GPM6A: variants seen among roughly 807,000 people sequenced by gnomAD.
The protein encoded by GPM6A is neuronal membrane glycoprotein M6-a.
In GPM6A, 7 loss-of-function variants were observed where a neutral mutation model predicts 32.1. That is an observed-to-expected ratio of 0.22 (90% CI 0.12 to 0.41). GPM6A has a LOEUF of 0.41. Ranked by LOEUF, GPM6A falls within the 10% of genes least tolerant of loss-of-function variation. The pLI, the probability that GPM6A is intolerant of heterozygous loss-of-function variation, is 1.00. For synonymous variants in GPM6A, 130 were observed against 123.4 expected (o/e 1.05, Z -0.35); for missense variants, 235 against 347.2 (o/e 0.68, Z 2.57).
At chr4:175,809,753 G>C (rs1467096017) in intron 1 of GPM6A, among the ~76,000 whole-genome samples, 1 of 152,100 alleles carries the variant, frequency 6.6e-6, no homozygotes, top group Non-Finnish European at 1.5e-5. Flanking sequence ...TCACTATGAA[G>C]AAAAATATAT....
At chr4:175,667,294 C>A (rs1028811196) in intron 3 of GPM6A, among the ~76,000 whole-genome samples, 5 of 152,088 alleles carry the variant, frequency 3.3e-5, no homozygotes, top group Non-Finnish European at 5.9e-5. Flanking sequence ...TCTCTGTAAC[C>A]TTCCTCCTCA....
At chr4:175,948,151 T>A (rs552506382) in intron 1 of GPM6A, among the ~76,000 whole-genome samples, 64 of 152,164 alleles carry the variant, frequency 4.2e-4, no homozygotes, top group Non-Finnish European at 7.6e-4. Flanking sequence ...GTTTTTGTGA[T>A]TTTTTGCTCC....
chr4:175,867,589 A>G (rs1736779461), intron 1 of GPM6A, among the ~76,000 whole-genome samples: 1 of 152,092 alleles, frequency 6.6e-6, no homozygotes, highest in African/African-American at 2.4e-5. Context: ...TGGGCTCTCT[A>G]TTCTGTTCCA....
At chr4:175,793,344 T>C (rs1349933572) in intron 1 of GPM6A, among the ~76,000 whole-genome samples, 1 of 148,226 alleles carries the variant, frequency 6.7e-6, no homozygotes, top group East Asian at 2.0e-4. Context: ...CTGTAAGAGA[T>C]CCATGTATTC....
At chr4:175,937,628 T>C (rs1739282156) in intron 1 of GPM6A, among the ~76,000 whole-genome samples, 1 of 152,126 alleles carries the variant, frequency 6.6e-6, no homozygotes, top group African/African-American at 2.4e-5. Context: ...TTGAAAACAG[T>C]GATCACCTAT....
At chr4:175,938,524 T>A (rs1332701573) in intron 1 of GPM6A, among the ~76,000 whole-genome samples, 2 of 152,170 alleles carry the variant, frequency 1.3e-5, no homozygotes, top group Non-Finnish European at 2.9e-5. Flanking sequence ...CTTTTTTTTC[T>A]GTTTGTGGGC....
At position 175,637,282 on chromosome 4, in the gene GPM6A, T is replaced by TATATTATATATA. The variant is rs1560841934; in HGVS notation, c.685-2226_685-2225insTATATATAATAT. ...AAAATATATATTATATATTATATAT[T>TATATTATATATA]ATATAAAATATATATTATATATTAT... On this transcript the variant is annotated intron_variant, in intron 6 of 6. Transcript: ENST00000393658. Among the ~76,000 whole-genome samples, 22 of 51,576 alleles carry TATATTATATATA rather than the reference T, an allele frequency of 4.3e-4. 1 individual carries two copies. The highest frequency in any genetic ancestry group is 2.1e-3 in the African/African-American group (22 of 10,668). 33.8% of individuals were successfully genotyped at this position (51,576 alleles called of 152,430 possible).
At chr4:175,961,437 A>G (rs1464636773) in intron 1 of GPM6A, 1 of 152,188 alleles carries the variant, frequency 6.6e-6, no homozygotes, top group African/African-American at 2.4e-5. Flanking sequence ...ACACCCCCCA[A>G]AAACTGGAGA....
intron 3 of GPM6A, chr4:175,654,391 G>A (rs1055123381): frequency 6.6e-6 from 1 of 152,146 alleles, no homozygotes; most frequent in African/African-American, 2.4e-5. Flanking sequence ...ACATGCTTAA[G>A]TGAGCCTGAG....
intron 1 of GPM6A, among the ~76,000 whole-genome samples, chr4:175,791,423 T>G (rs980381385): frequency 4.6e-5 from 7 of 152,208 alleles, no homozygotes; most frequent in African/African-American, 1.7e-4. Flanking sequence ...TGACTTGCCA[T>G]ATGCCACCCA....
At chr4:175,794,151 A>C (rs1446862750) in intron 1 of GPM6A, among the ~76,000 whole-genome samples, 1 of 152,194 alleles carries the variant, frequency 6.6e-6, no homozygotes, top group Non-Finnish European at 1.5e-5. Flanking sequence ...TGACCTTGGA[A>C]AAATTATCAA....
At chr4:175,851,618 T>G (rs17062168) in intron 1 of GPM6A, among the ~76,000 whole-genome samples, 3,888 of 152,298 alleles carry the variant, frequency 0.026, 150 homozygotes, top group African/African-American at 0.086. Flanking sequence ...AATGGGGATC[T>G]TGGAAACAGC....
At chr4:175,962,262 T>C in intron 1 of GPM6A, 2 of 1,347,208 alleles carry the variant, frequency 1.5e-6, no homozygotes, top group Admixed American at 1.7e-5. Flanking sequence ...CATTGAAAAC[T>C]CAAATGCCTT....
Position 175,648,374 on chromosome 4 carries a change from G to T in GPM6A, c.541+3460C>A, listed in dbSNP as rs527285611. Among the ~76,000 whole-genome samples, 3 of 152,268 alleles carry T rather than the reference G, an allele frequency of 2.0e-5. No individual in the cohort carries two copies. In the East Asian group the frequency reaches 5.8e-4, roughly 29 times the overall value. ...GGAGTAAGCCGTGAAGGGGAATTAAGCTTGCAGAATTGTCAGGGAGAGGCA... is the reference window on the plus strand; with the variant it reads ...GGAGTAAGCCGTGAAGGGGAATTAATCTTGCAGAATTGTCAGGGAGAGGCA... On this transcript the variant is annotated intron_variant, in intron 4 of 6. Transcript: ENST00000393658.
intron 1 of GPM6A, among the ~76,000 whole-genome samples, chr4:175,889,586 C>A (rs1288492354): frequency 6.6e-6 from 1 of 151,082 alleles, no homozygotes; most frequent in Non-Finnish European, 1.5e-5. Flanking sequence ...GAGGCCGAGG[C>A]GGGTGGATCA....
chr4:176,000,378 C>T (rs748783668), intron 1 of GPM6A, among the ~76,000 whole-genome samples: 2 of 152,154 alleles, frequency 1.3e-5, no homozygotes, highest in Non-Finnish European at 2.9e-5. Flanking sequence ...CTGTTAACTC[C>T]ACACCATCCC....
At position 175,969,636 on chromosome 4, in the gene GPM6A, G is replaced by A. The variant is rs181364087; in HGVS notation, c.-23+32673C>T. Among the ~76,000 whole-genome samples, 8 of 152,186 alleles carry A rather than the reference G, an allele frequency of 5.3e-5. No individual in the cohort carries two copies. In the East Asian group the frequency reaches 5.8e-4, roughly 11 times the overall value. On this transcript the variant is annotated intron_variant, in intron 1 of 7. Transcript: ENST00000280187. Reference sequence around the variant, plus strand: ...TGAGGCAGGAGAATCTCTTGAACCCGGGAGGCAAAGGTTGTAGTGAGCAGA... The same window carrying A: ...TGAGGCAGGAGAATCTCTTGAACCCAGGAGGCAAAGGTTGTAGTGAGCAGA...
At chr4:175,867,889 T>C (rs776705780) in intron 1 of GPM6A, among the ~76,000 whole-genome samples, 2 of 152,196 alleles carry the variant, frequency 1.3e-5, no homozygotes, top group Non-Finnish European at 2.9e-5. Flanking sequence ...GTTAAATAGT[T>C]TCTCCTTAGG....
chr4:175,648,955 G>C (rs1237095615), intron 4 of GPM6A, among the ~76,000 whole-genome samples: 1 of 152,182 alleles, frequency 6.6e-6, no homozygotes, highest in African/African-American at 2.4e-5. Flanking sequence ...GAATCAGAAT[G>C]TGTACATCTT....
Sources: gnomAD v4.1 joint callset for allele counts (sites outside exome capture counted in the v4.1 genomes callset) on GRCh38, gnomAD v4.1.1 for gene constraint, MANE v1.5 for transcripts, NCBI Gene and HGNC (gene_info 2026-07-23, HGNC 2026-07-21) for gene names.